Variants in GYS2 observed in about 807,000 individuals in gnomAD.
The protein encoded by GYS2 is glycogen [starch] synthase, liver.
GYS2 carries 80 observed loss-of-function variants against 85.6 expected under a neutral mutation model. The ratio of observed to expected loss-of-function variants is 0.93; its 90% CI spans 0.78 to 1.13. The LOEUF (loss-of-function observed/expected upper bound fraction) is 1.13. Among genes scored for constraint, GYS2 ranks in the 50% most tolerant of loss-of-function variants. The pLI, the probability that GYS2 is intolerant of heterozygous loss-of-function variation, is 0.00. For missense variants in GYS2, 881 were observed against 854.9 expected, an observed-to-expected ratio of 1.03 and a Z score of -0.38; for synonymous variants, 328 against 300.7, an observed-to-expected ratio of 1.09 and a Z score of -0.94.
At chr12:21,574,416 T>C in intron 3 of GYS2, 90 bp from the exon 4 acceptor site, 1 of 994,862 alleles carries the variant, frequency 1.0e-6, no homozygotes, top group Non-Finnish European at 1.6e-6. Context: ...TTATGGTGTC[T>C]ATAAATTATT....
chr12:21,537,457 G>A, intron 15 of GYS2: 1 of 414,516 alleles, frequency 2.4e-6, no homozygotes, highest in Non-Finnish European at 4.4e-6. Flanking sequence ...GTTTTTTTCA[G>A]TACAGAAGAA....
chr12:21,577,556 T>C (rs929006987), intron 2 of GYS2, among the ~76,000 whole-genome samples: 2 of 152,258 alleles, frequency 1.3e-5, no homozygotes, highest in African/African-American at 4.8e-5. Flanking sequence ...ATTTGCATCC[T>C]GATAGTACAA....
Position 21,574,169 on chromosome 12 carries a change from A to G in GYS2, c.653T>C (p.Ile218Thr), listed in dbSNP as rs1169286490. The part of the protein sequence containing the change: ...LLGRYLCAAN[I>T]DFYNHLDKFN... ...CTTATCAAGATGGTTGTAGAAATCA[A>G]TATTTGCTGCACAGAGATACCTCCC... The change falls in exon 4 of 16, where the codon ATT (isoleucine) becomes ACT (threonine). Residue 218 changes from isoleucine to threonine, a missense_variant. Physicochemically the swap from Ile to Thr is moderately conservative, Grantham distance 89 (BLOSUM62 -1). Coordinates refer to ENST00000261195, the MANE Select transcript of GYS2 (RefSeq NM_021957.4). 3.1e-6 allele frequency: 5 copies of G among 1,613,120 alleles called. No individual in the cohort carries two copies. The highest frequency in any genetic ancestry group is 4.2e-6 in the Non-Finnish European group (5 of 1,179,194).
chr12:21,581,293 C>T (rs923949490), intron 1 of GYS2, among the ~76,000 whole-genome samples: 1 of 152,124 alleles, frequency 6.6e-6, no homozygotes, highest in African/African-American at 2.4e-5. Context: ...AGCCTGAGAC[C>T]ACATCCTGGG....
At chr12:21,551,293 T>A (rs922773935) in intron 11 of GYS2, among the ~76,000 whole-genome samples, 7 of 151,756 alleles carry the variant, frequency 4.6e-5, no homozygotes, top group Non-Finnish European at 7.4e-5. Flanking sequence ...TAAGTATGCA[T>A]TCTTCAGAAG....
intron 11 of GYS2, among the ~76,000 whole-genome samples, chr12:21,552,275 C>A (rs186750315): frequency 1.3e-5 from 2 of 152,194 alleles, no homozygotes; most frequent in Non-Finnish European, 2.9e-5. Flanking sequence ...ACCGTGGCAG[C>A]CCAGAGCTGA....
Position 21,559,138 on chromosome 12 carries a change from C to G in GYS2, c.1261G>C (p.Asp421His), listed in dbSNP as rs1944220220. The G allele has an allele frequency of 6.2e-7, 1 of 1,609,464 alleles. No individual in the cohort carries two copies. Among genetic ancestry groups the G allele is most frequent in the South Asian group, 1.1e-5 (1 of 90,752 alleles). The part of the protein sequence containing the change: ...GEIPDLNDIL[D>H]RDDLTIMKRA... ...TTCATAATTGTTAGATCATCTCGATCTAAAATATCGTTCAGGTCAGGAATT... is the reference window on the plus strand; with the variant it reads ...TTCATAATTGTTAGATCATCTCGATGTAAAATATCGTTCAGGTCAGGAATT... The change falls in exon 10 of 16, where the codon GAT (aspartate) becomes CAT (histidine). Residue 421 changes from aspartate (D) to histidine (H), a missense_variant. Asp to His is a moderately conservative substitution (Grantham distance 81). Coordinates refer to ENST00000261195, the MANE Select transcript of GYS2 (RefSeq NM_021957.4).
intron 2 of GYS2, among the ~76,000 whole-genome samples, chr12:21,579,813 C>G (rs1457979778): frequency 6.6e-6 from 1 of 152,134 alleles, no homozygotes; most frequent in East Asian, 1.9e-4. Flanking sequence ...CTAGATAACT[C>G]AGGATTATCT....
rs77310128 is a variant in GYS2, at chr12:21,553,325, G to A, written c.1422+4875C>T. The stretch of plus-strand genomic sequence containing the variant: ...TTAAGTGAATTTACAAAATTGATAA[G>A]TGTCAGGGATTTAAATACAGTCTTC... On this transcript the variant is annotated intron_variant, in intron 11 of 15. Coordinates refer to ENST00000261195, the MANE Select transcript of GYS2 (RefSeq NM_021957.4). Among the ~76,000 whole-genome samples, 116 of 152,358 alleles carry A rather than the reference G, an allele frequency of 7.6e-4. No individual in the cohort carries two copies. In the East Asian group the frequency reaches 0.018, roughly 24 times the overall value.
intron 2 of GYS2, among the ~76,000 whole-genome samples, chr12:21,579,921 C>T (rs1944489956): frequency 6.6e-6 from 1 of 152,172 alleles, no homozygotes; most frequent in Non-Finnish European, 1.5e-5. Flanking sequence ...ACTTGAACAT[C>T]CTTGGTTGTA....
intron 11 of GYS2, among the ~76,000 whole-genome samples, chr12:21,557,891 T>G (rs1944202252): frequency 6.6e-6 from 1 of 151,878 alleles, no homozygotes; most frequent in Admixed American, 6.6e-5. Context: ...AGAGCGAGAC[T>G]CCGTCTCAAA....
intron 15 of GYS2, 113 bp downstream of exon 15, chr12:21,539,145 C>A: frequency 1.4e-6 from 1 of 703,748 alleles, no homozygotes. Flanking sequence ...TTTGATTCAA[C>A]ATTATGAAAA....
chr12:21,587,910 T>C (rs1481394706), intron 1 of GYS2, among the ~76,000 whole-genome samples: 1 of 151,696 alleles, frequency 6.6e-6, no homozygotes. Flanking sequence ...AAGGAAAGAG[T>C]AATAGGATTG....
In GYS2 at chr12:21,574,255, G is replaced by C; in HGVS notation, c.567C>G (p.Ile189Met). ...FHEWQAGIGL[I>M]LSRARKLPIA... ...TAGGAAGTTTCCTGGCTCGAGAAAG[G>C]ATCAGTCCAATTCCAGCCTGCCATT... The change falls in exon 4 of 16, where the codon ATC becomes ATG. Residue 189 changes from isoleucine to methionine, a missense_variant. Ile to Met is a conservative substitution (Grantham distance 10). Coordinates refer to ENST00000261195, the MANE Select transcript of GYS2 (RefSeq NM_021957.4). 2 of 1,613,586 alleles carry C rather than the reference G, an allele frequency of 1.2e-6. No individual in the cohort carries two copies. Among genetic ancestry groups the C allele is most frequent in the Non-Finnish European group, 1.7e-6 (2 of 1,179,576 alleles).
intron 11 of GYS2, among the ~76,000 whole-genome samples, chr12:21,549,394 A>G (rs1944079803): frequency 6.6e-6 from 1 of 152,240 alleles, no homozygotes; most frequent in African/African-American, 2.4e-5. Flanking sequence ...GGAAATACAC[A>G]AACAAGAGCA....
chr12:21,544,573 A>T (rs1944016280), intron 12 of GYS2, among the ~76,000 whole-genome samples: 1 of 152,190 alleles, frequency 6.6e-6, no homozygotes, highest in African/African-American at 2.4e-5. Context: ...TAATAAGAAC[A>T]AGGTCAAAAA....
At chr12:21,579,000 C>T (rs921503863) in intron 2 of GYS2, among the ~76,000 whole-genome samples, 13 of 151,976 alleles carry the variant, frequency 8.6e-5, no homozygotes, top group African/African-American at 3.1e-4. Flanking sequence ...TTTTTCTTAC[C>T]ACGTATTTAT....
At chr12:21,582,648 A>G (rs1241860584) in intron 1 of GYS2, among the ~76,000 whole-genome samples, 1 of 150,256 alleles carries the variant, frequency 6.7e-6, no homozygotes, top group Non-Finnish European at 1.5e-5. Flanking sequence ...TATATCTCCT[A>G]TTAATTCTGT....
chr12:21,553,526 G>T (rs1944138214), intron 11 of GYS2, among the ~76,000 whole-genome samples: 1 of 152,168 alleles, frequency 6.6e-6, no homozygotes, highest in Admixed American at 6.5e-5. Context: ...TGGTACCAGT[G>T]TGAAGTCATT....
Sources: allele counts gnomAD v4.1 joint callset (sites outside exome capture counted in the v4.1 genomes callset), GRCh38; gene constraint gnomAD v4.1.1; transcripts MANE v1.5; gene names NCBI Gene and HGNC (gene_info 2026-07-23, HGNC 2026-07-21).